COPS7B: variants seen among roughly 807,000 people sequenced by gnomAD.
The protein encoded by COPS7B is COP9 signalosome complex subunit 7b.
In COPS7B, 9 loss-of-function variants were observed where a neutral mutation model predicts 33.4. The ratio of observed to expected loss-of-function variants is 0.27; its 90% CI spans 0.16 to 0.47. COPS7B has a LOEUF of 0.47. Among genes scored for constraint, COPS7B ranks in the 20% least tolerant of loss-of-function variants. COPS7B has a pLI of 0.99. For synonymous variants in COPS7B, 119 were observed against 126.3 expected, an observed-to-expected ratio of 0.94 and a Z score of 0.39; for missense variants, 242 against 318.2, an observed-to-expected ratio of 0.76 and a Z score of 1.82.
At chr2:231,781,764 C>A, upstream of COPS7B, 1 of 1,439,320 alleles carries the variant, frequency 6.9e-7, no homozygotes, top group Non-Finnish European at 9.5e-7. Context: ...CTGAGTTGGT[C>A]GTTTCGGAAT....
intron 2 of COPS7B, 64 bp from the exon 3 acceptor site, chr2:231,791,669 G>C: frequency 7.1e-7 from 1 of 1,408,296 alleles, no homozygotes; most frequent in Non-Finnish European, 1.0e-6. Flanking sequence ...CCCGTCCTCT[G>C]TTTGAACACT....
intron 3 of COPS7B, chr2:231,792,231 C>G (rs756353375): frequency 2.7e-6 from 1 of 376,156 alleles, no homozygotes; most frequent in Non-Finnish European, 5.3e-6. Flanking sequence ...GTGGCTCATG[C>G]CTGTAATCCC....
Position 231,796,050 on chromosome 2 carries a change from TTTTCGC to T in COPS7B, c.328-54_328-49del, listed in dbSNP as rs765850808. 161 of 1,514,398 alleles carry T rather than the reference TTTTCGC, an allele frequency of 1.1e-4. 1 individual carries two copies. The highest frequency in any genetic ancestry group is 1.4e-4 in the Non-Finnish European group (155 of 1,091,728). 93.8% of individuals were successfully genotyped at this position (1,514,398 alleles called of 1,614,324 possible). A position where few individuals can be genotyped will look rare whatever the true frequency, so the allele number is the denominator to read the frequency against. On this transcript the variant is annotated intron_variant, in intron 4 of 6. Transcript: ENST00000350033. Reference sequence around the variant, plus strand: ...GTTGGCTATGGGAGTAATACCTGCATTTTCGCTAATGCTTGCCAGATGGTTTTTATA... The same window carrying T: ...GTTGGCTATGGGAGTAATACCTGCATTAATGCTTGCCAGATGGTTTTTATA...
intron 5 of COPS7B, among the ~76,000 whole-genome samples, chr2:231,796,905 A>G (rs2049588434): frequency 6.6e-6 from 1 of 152,236 alleles, no homozygotes; most frequent in African/African-American, 2.4e-5. Flanking sequence ...TATAAAAAGC[A>G]TTGGGACATT....
chr2:231,784,922 C>G (rs368182470), upstream of COPS7B, among the ~76,000 whole-genome samples: 11 of 152,236 alleles, frequency 7.2e-5, 1 homozygote, highest in East Asian at 5.8e-4. Context: ...AAGCGATTCT[C>G]ATGCCTCAGC....
At chr2:231,789,800 A>G (rs991951281) in intron 2 of COPS7B, 4 of 152,230 alleles carry the variant, frequency 2.6e-5, no homozygotes, top group African/African-American at 9.7e-5. Flanking sequence ...GCCGGCCTTC[A>G]GTTTATTGGA....
At chr2:231,786,367 G>A (rs969651847), upstream of COPS7B, 2 of 878,438 alleles carry the variant, frequency 2.3e-6, no homozygotes, top group African/African-American at 3.6e-5. Context: ...ACCTTGTGTG[G>A]GCGGAACGCG....
chr2:231,784,888 C>T (rs1296074305), upstream of COPS7B, among the ~76,000 whole-genome samples: 1 of 152,272 alleles, frequency 6.6e-6, no homozygotes, highest in African/African-American at 2.4e-5. Flanking sequence ...TTTCGGCTCA[C>T]TGCAACCTCC....
intron 2 of COPS7B, chr2:231,791,052 AAAC>A (rs752595695): frequency 1.6e-4 from 25 of 154,662 alleles, no homozygotes; most frequent in South Asian, 8.1e-4. Context: ...TTTGTGATTT[AAAC>A]AACAACAACA....
At chr2:231,795,268 G>T (rs1055066344) in intron 4 of COPS7B, among the ~76,000 whole-genome samples, 2 of 152,068 alleles carry the variant, frequency 1.3e-5, no homozygotes, top group African/African-American at 4.8e-5. Context: ...TCACCATGTT[G>T]CCTAGGCTGG....
At chr2:231,789,765 T>A (rs1174494682) in intron 2 of COPS7B, 1 of 152,242 alleles carries the variant, frequency 6.6e-6, no homozygotes, top group Non-Finnish European at 1.5e-5. Flanking sequence ...TTTCAGTGAA[T>A]CAGTTAGTTG....
At chr2:231,801,557 T>C (rs1364116178) in intron 6 of COPS7B, among the ~76,000 whole-genome samples, 4 of 151,980 alleles carry the variant, frequency 2.6e-5, no homozygotes, top group African/African-American at 9.7e-5. Flanking sequence ...TCTTTCCACC[T>C]CGGCCTCCCA....
intron 6 of COPS7B, among the ~76,000 whole-genome samples, chr2:231,801,630 CT>C (rs199606465): frequency 0.033 from 4,257 of 130,944 alleles, 129 homozygotes; most frequent in African/African-American, 0.085. Context: ...TTTTTCTTTT[CT>C]TTTTTTTTTT....
In COPS7B at chr2:231,807,665, C is replaced by T. The variant is rs1026393848; in HGVS notation, c.*20C>T. ...CACTAGGGCCGGCTGGGGCAGCTGG[C>T]ACTCACCAGGCCTGGGTCAGGTGGG... On this transcript the variant is annotated 3_prime_UTR_variant, in exon 7 of 7. Transcript: ENST00000350033. The T allele has an allele frequency of 2.6e-6, 4 of 1,544,026 alleles. No individual in the cohort carries two copies. The highest frequency in any genetic ancestry group is 3.5e-6 in the Non-Finnish European group (4 of 1,144,008).
intron 6 of COPS7B, among the ~76,000 whole-genome samples, chr2:231,803,298 C>T (rs574834573): frequency 6.6e-6 from 1 of 152,074 alleles, no homozygotes; most frequent in Non-Finnish European, 1.5e-5. Context: ...CCCCGGGGTG[C>T]ATGAACAACA....
intron 3 of COPS7B, among the ~76,000 whole-genome samples, chr2:231,793,045 G>A (rs2106321220): frequency 6.6e-6 from 1 of 152,222 alleles, no homozygotes; most frequent in Non-Finnish European, 1.5e-5. Context: ...CACAGACTCT[G>A]TTAGCAGACT....
At chr2:231,796,069 G>C in intron 4 of COPS7B, 37 bp from the exon 5 acceptor site, 1 of 1,586,120 alleles carries the variant, frequency 6.3e-7, no homozygotes, top group East Asian at 2.2e-5. Flanking sequence ...ATGCTTGCCA[G>C]ATGGTTTTTA....
At chr2:231,784,219 C>T (rs887016541), upstream of COPS7B, among the ~76,000 whole-genome samples, 1 of 151,652 alleles carries the variant, frequency 6.6e-6, no homozygotes, top group Non-Finnish European at 1.5e-5. Context: ...TGGTGGCTCA[C>T]GCCTGTAATC....
intron 6 of COPS7B, among the ~76,000 whole-genome samples, chr2:231,806,536 G>T (rs2049898604): frequency 7.2e-6 from 1 of 139,618 alleles, no homozygotes; most frequent in African/African-American, 2.7e-5. Context: ...CTGTACAACA[G>T]AGTAAGACTC....
Sources: allele counts gnomAD v4.1 joint callset (sites outside exome capture counted in the v4.1 genomes callset), GRCh38; gene constraint gnomAD v4.1.1; transcripts MANE v1.5; gene names NCBI Gene and HGNC (gene_info 2026-07-23, HGNC 2026-07-21).